Variants in PEX13 observed in about 807,000 individuals in gnomAD.
The protein encoded by PEX13 is peroxisomal biogenesis factor 13.
In PEX13, 28 loss-of-function variants were observed where a neutral mutation model predicts 34.5. The ratio of observed to expected loss-of-function variants is 0.81; its 90% CI spans 0.60 to 1.11. The LOEUF is 1.11. Ranked by LOEUF, PEX13 falls within the 50% of genes most tolerant of loss-of-function variation. The probability of loss-of-function intolerance (pLI) is 0.00; values close to 1 mark genes in which losing one functional copy is unlikely to be tolerated. For synonymous variants in PEX13, 177 were observed against 175.1 expected (o/e 1.01, Z -0.09); for missense variants, 550 against 491.0 (o/e 1.12, Z -1.13).
At chr2:61,040,796 ATATATAAG>A in intron 2 of PEX13, among the ~76,000 whole-genome samples, 1 of 147,976 alleles carries the variant, frequency 6.8e-6, no homozygotes, top group South Asian at 2.1e-4. Context: ...AAAGTATAGT[ATATATAAG>A]TATATATGTA....
chr2:61,032,919 G>A (rs1331672155), intron 2 of PEX13, among the ~76,000 whole-genome samples: 1 of 152,192 alleles, frequency 6.6e-6, no homozygotes, highest in South Asian at 2.1e-4. Context: ...CTATAGTATT[G>A]CATTGGATCG....
rs1680754326 is a variant in PEX13, at chr2:61,048,981, A to C, written c.*211A>C. 3.6e-6 allele frequency: 2 copies of C among 557,972 alleles called. No homozygotes were observed. The highest frequency in any genetic ancestry group is 6.4e-6 in the Non-Finnish European group (2 of 313,960). The allele number at this position is 557,972 out of a possible 1,614,324, so 34.6% of individuals were successfully genotyped here. A position where few individuals can be genotyped will look rare whatever the true frequency, so the allele number is the denominator to read the frequency against. ...ATACACATTATTGGACCATAAGGAC[A>C]TTTGTTTCACCTAGATTTTAAGATT... On this transcript the variant is annotated 3_prime_UTR_variant, in exon 4 of 4. Coordinates refer to ENST00000295030, the MANE Select transcript of PEX13 (RefSeq NM_002618.4).
At chr2:61,018,342 C>G (rs1680154286) in intron 1 of PEX13, 12 of 1,516,056 alleles carry the variant, frequency 7.9e-6, no homozygotes, top group Non-Finnish European at 9.8e-6. Context: ...ACTTTGCATT[C>G]TTTTCCAGCA....
chr2:61,044,863 C>A (rs1302804106), intron 2 of PEX13, among the ~76,000 whole-genome samples: 1 of 152,210 alleles, frequency 6.6e-6, no homozygotes, highest in Non-Finnish European at 1.5e-5. Context: ...TCCATTCCCA[C>A]GCAAGTTGGC....
Position 61,031,526 on chromosome 2 carries a change from G to A in PEX13, c.200G>A (p.Ser67Asn). 1 of 1,614,160 alleles carries A rather than the reference G, an allele frequency of 6.2e-7. No individual in the cohort carries two copies. Among genetic ancestry groups the A allele is most frequent in the African/African-American group, 1.3e-5 (1 of 75,046 alleles). The change falls in exon 2 of 4, where the codon AGT (serine) becomes AAT (asparagine). Residue 67 changes from serine (S) to asparagine (N), a missense_variant. Transcript: ENST00000295030. The stretch of plus-strand genomic sequence containing the variant: ...CCATCACAGCAGACAGGAAGTAGCA[G>A]TGTGAACACTTTTAGACCTGCTTAC... ...PRPSQQTGSSSVNTFRPAYSS... is the reference protein window; with the variant it reads ...PRPSQQTGSSNVNTFRPAYSS...
chr2:61,027,915 A>G (rs1476480189), intron 1 of PEX13, among the ~76,000 whole-genome samples: 1 of 152,234 alleles, frequency 6.6e-6, no homozygotes, highest in Non-Finnish European at 1.5e-5. Context: ...AAAAAAAAAT[A>G]GAGTTCTAGT....
At chr2:61,018,873 G>A (rs1680179904) in intron 1 of PEX13, 1 of 152,040 alleles carries the variant, frequency 6.6e-6, no homozygotes, top group South Asian at 2.1e-4. Flanking sequence ...GAATGAGAGA[G>A]GTTTTATTTT....
At chr2:61,026,344 CTTT>C (rs71402320) in intron 1 of PEX13, among the ~76,000 whole-genome samples, 3 of 121,220 alleles carry the variant, frequency 2.5e-5, no homozygotes, top group Non-Finnish European at 1.7e-5. Flanking sequence ...TTTCTTTTTT[CTTT>C]TTTTTTTTTT....
At chr2:61,033,430 A>G (rs1680484986) in intron 2 of PEX13, among the ~76,000 whole-genome samples, 1 of 152,208 alleles carries the variant, frequency 6.6e-6, no homozygotes, top group Non-Finnish European at 1.5e-5. Context: ...TAGAAGGATA[A>G]TGTTTTATTA....
chr2:61,035,673 C>T (rs2104806133), intron 2 of PEX13, among the ~76,000 whole-genome samples: 1 of 152,188 alleles, frequency 6.6e-6, no homozygotes, highest in African/African-American at 2.4e-5. Context: ...CTTCATGATG[C>T]ACACACAAGC....
chr2:61,032,694 AT>A (rs1680472115), intron 2 of PEX13, among the ~76,000 whole-genome samples: 1 of 152,234 alleles, frequency 6.6e-6, no homozygotes, highest in South Asian at 2.1e-4. Context: ...GTTAAGCTGT[AT>A]TCTCTCAACT....
At chr2:61,040,688 TAACA>T (rs1680608639) in intron 2 of PEX13, among the ~76,000 whole-genome samples, 1 of 151,134 alleles carries the variant, frequency 6.6e-6, no homozygotes, top group African/African-American at 2.4e-5. Flanking sequence ...TATACCTCTG[TAACA>T]AACCGGCACA....
intron 3 of PEX13, among the ~76,000 whole-genome samples, chr2:61,046,758 C>G (rs916367677): frequency 3.3e-5 from 5 of 152,158 alleles, no homozygotes; most frequent in Non-Finnish European, 7.3e-5. Flanking sequence ...GTGCTTTTAA[C>G]AACTCTGGCT....
intron 1 of PEX13, among the ~76,000 whole-genome samples, chr2:61,027,357 A>C (rs969522995): frequency 2.8e-5 from 4 of 142,628 alleles, no homozygotes; most frequent in African/African-American, 1.1e-4. Context: ...AAAAAACAAA[A>C]CACACACACA....
chr2:61,049,800 TA>T lies in PEX13; in HGVS notation c.*1034del, dbSNP rs1283366268. On this transcript the variant is annotated 3_prime_UTR_variant, in exon 4 of 4. Coordinates refer to ENST00000295030, the MANE Select transcript of PEX13 (RefSeq NM_002618.4). ...CAAAAAATAAAATTATTTATTTCTTTAAAATATGACTAGTTTTCATACTGGG... is the reference window on the plus strand; with the variant it reads ...CAAAAAATAAAATTATTTATTTCTTTAAATATGACTAGTTTTCATACTGGG... 6.6e-5 allele frequency: 10 copies of T among 152,224 alleles called. No individual in the cohort carries two copies. The highest frequency in any genetic ancestry group is 1.2e-4 in the Non-Finnish European group (8 of 68,030). 9.4% of individuals were successfully genotyped at this position (152,224 alleles called of 1,614,324 possible).
At chr2:61,035,981 CT>C (rs1680528292) in intron 2 of PEX13, among the ~76,000 whole-genome samples, 1 of 126,342 alleles carries the variant, frequency 7.9e-6, no homozygotes, top group Non-Finnish European at 1.6e-5. Context: ...GAAACTCCAT[CT>C]TAAAAAAAAA....
At chr2:61,021,678 C>A (rs1433021018) in intron 1 of PEX13, among the ~76,000 whole-genome samples, 1 of 152,224 alleles carries the variant, frequency 6.6e-6, no homozygotes, top group Non-Finnish European at 1.5e-5. Flanking sequence ...GTTCTCCCAG[C>A]ATGGTGTTTG....
chr2:61,039,007 G>A (rs1680578246), intron 2 of PEX13, among the ~76,000 whole-genome samples: 3 of 152,018 alleles, frequency 2.0e-5, no homozygotes, highest in Admixed American at 6.6e-5. Flanking sequence ...ACTACAAAGA[G>A]AATAAAATAC....
At chr2:61,042,923 A>G (rs1206619474) in intron 2 of PEX13, among the ~76,000 whole-genome samples, 1 of 152,228 alleles carries the variant, frequency 6.6e-6, no homozygotes, top group Non-Finnish European at 1.5e-5. Flanking sequence ...TCATGACCCA[A>G]TGGATATTAA....
Sources: allele counts gnomAD v4.1 joint callset (sites outside exome capture counted in the v4.1 genomes callset), GRCh38; gene constraint gnomAD v4.1.1; transcripts MANE v1.5; gene names NCBI Gene and HGNC (gene_info 2026-07-23, HGNC 2026-07-21).